The following PDS5B variants were observed in gnomAD, a reference collection of about 807,000 sequenced individuals.
PDS5B encodes sister chromatid cohesion protein PDS5 homolog B.
A neutral mutation model predicts 184.1 loss-of-function variants in PDS5B; 51 were observed. The ratio of observed to expected loss-of-function variants is 0.28; its 90% CI spans 0.22 to 0.35. PDS5B has a LOEUF of 0.35. Among genes scored for constraint, PDS5B ranks in the 10% least tolerant of loss-of-function variants. The probability of loss-of-function intolerance (pLI) is 1.00; values close to 1 mark genes in which losing one functional copy is unlikely to be tolerated. For missense variants in PDS5B, 1,180 were observed against 1,723.3 expected (o/e 0.68, Z 5.58); for synonymous variants, 566 against 569.2 (o/e 0.99, Z 0.08).
intron 21 of PDS5B, among the ~76,000 whole-genome samples, chr13:32,736,377 A>G (rs998802195): frequency 1.3e-5 from 2 of 151,904 alleles, no homozygotes; most frequent in African/African-American, 4.8e-5. Flanking sequence ...TTAATTTTTT[A>G]AAGGATGCTT....
At chr13:32,718,152 TG>T (rs1952542819) in intron 19 of PDS5B, among the ~76,000 whole-genome samples, 2 of 131,724 alleles carry the variant, frequency 1.5e-5, no homozygotes. Context: ...AAAGGGCTTC[TG>T]AATTTTTTTT....
chr13:32,701,644 C>T (rs1335629768), intron 17 of PDS5B, among the ~76,000 whole-genome samples: 1 of 151,780 alleles, frequency 6.6e-6, no homozygotes, highest in Non-Finnish European at 1.5e-5. Context: ...ATACACTCAT[C>T]TGTACCTGTA....
At chr13:32,746,709 T>C (rs1953755252) in intron 24 of PDS5B, among the ~76,000 whole-genome samples, 1 of 152,164 alleles carries the variant, frequency 6.6e-6, no homozygotes, top group Non-Finnish European at 1.5e-5. Flanking sequence ...TGGCACTGAA[T>C]AGACCTCAAA....
At chr13:32,706,437 A>G (rs1952019985) in intron 17 of PDS5B, among the ~76,000 whole-genome samples, 1 of 152,084 alleles carries the variant, frequency 6.6e-6, no homozygotes, top group African/African-American at 2.4e-5. Flanking sequence ...TATGTCTGTT[A>G]CCTAGGATTC....
At chr13:32,732,840 T>G (rs994069209) in intron 20 of PDS5B, among the ~76,000 whole-genome samples, 13 of 152,220 alleles carry the variant, frequency 8.5e-5, no homozygotes, top group Middle Eastern at 6.8e-3. Context: ...AAATCCTACT[T>G]TGTAATTTTA....
chr13:32,731,391 TACTC>T (rs1461720783), intron 19 of PDS5B, among the ~76,000 whole-genome samples: 5 of 152,286 alleles, frequency 3.3e-5, no homozygotes, highest in Non-Finnish European at 7.4e-5. Context: ...CTATATGACT[TACTC>T]AGTACCTCCC....
chr13:32,661,210 C>G (rs1465553718), intron 6 of PDS5B, among the ~76,000 whole-genome samples: 1 of 151,388 alleles, frequency 6.6e-6, no homozygotes, highest in African/African-American at 2.4e-5. Flanking sequence ...ATGGTGAAAC[C>G]CTGTCTTTAC....
intron 1 of PDS5B, among the ~76,000 whole-genome samples, chr13:32,587,116 C>A (rs927544694): frequency 4.7e-5 from 7 of 148,432 alleles, no homozygotes; most frequent in Non-Finnish European, 1.5e-5. Context: ...GGCTTCTCCC[C>A]CTTCCGGGCG....
intron 1 of PDS5B, among the ~76,000 whole-genome samples, chr13:32,594,140 C>G (rs1274291612): frequency 1.3e-5 from 2 of 152,114 alleles, no homozygotes; most frequent in Non-Finnish European, 2.9e-5. Context: ...AAAAATAAAA[C>G]CCCCGAACCT....
At chr13:32,625,939 A>G (rs957011149) in intron 1 of PDS5B, among the ~76,000 whole-genome samples, 18 of 151,772 alleles carry the variant, frequency 1.2e-4, no homozygotes, top group African/African-American at 4.4e-4. Context: ...CCTGGATTCA[A>G]GCGATTCTTG....
chr13:32,708,826 G>A (rs1337634119), intron 18 of PDS5B, among the ~76,000 whole-genome samples: 1 of 150,628 alleles, frequency 6.6e-6, no homozygotes, highest in East Asian at 2.0e-4. Flanking sequence ...TATTTCCTTT[G>A]CTTTTTCCTG....
chr13:32,652,043 A>G, intron 3 of PDS5B, 36 bp downstream of exon 3: 1 of 1,371,668 alleles, frequency 7.3e-7, no homozygotes, highest in Non-Finnish European at 1.0e-6. Flanking sequence ...AGATTGACCG[A>G]TACTTTGATT....
At chr13:32,633,890 A>G (rs1206878753) in intron 1 of PDS5B, among the ~76,000 whole-genome samples, 4 of 152,192 alleles carry the variant, frequency 2.6e-5, no homozygotes, top group Admixed American at 2.0e-4. Flanking sequence ...TTACATATCA[A>G]TATGGGTGGT....
chr13:32,663,282 T>C (rs1264903408), intron 6 of PDS5B, among the ~76,000 whole-genome samples: 3 of 151,322 alleles, frequency 2.0e-5, no homozygotes, highest in Non-Finnish European at 4.4e-5. Context: ...ACTCATTTTA[T>C]GAGCAGAGAA....
intron 3 of PDS5B, 103 bp downstream of exon 3, chr13:32,652,110 G>T: frequency 9.0e-6 from 7 of 781,922 alleles, no homozygotes; most frequent in South Asian, 4.9e-5. Flanking sequence ...TGGATTCTTT[G>T]ACATTAGCTA....
At position 32,678,862 on chromosome 13, in the gene PDS5B, C is replaced by T; in HGVS notation, c.990C>T (p.Arg330=). The change falls in exon 10 of 35, where the codon CGC becomes CGT. Residue 330 remains arginine (R), a synonymous_variant. Transcript: ENST00000315596. ...TTAATGATATCCATGTACCAATCCG[C>T]CTGGAATGTGTGAAATTTGCTAGCC... ...GRFNDIHVPI[R]LECVKFASHC... 6.2e-7 allele frequency: 1 copy of T among 1,607,336 alleles called. No individual in the cohort carries two copies. The highest frequency in any genetic ancestry group is 8.5e-7 in the Non-Finnish European group (1 of 1,174,022).
intron 33 of PDS5B, among the ~76,000 whole-genome samples, chr13:32,772,381 G>A (rs1289192725): frequency 6.6e-6 from 1 of 152,158 alleles, no homozygotes; most frequent in Non-Finnish European, 1.5e-5. Context: ...TGGGCTCGTG[G>A]TTCTTGTTTT....
chr13:32,658,795 T>G (rs143070241), intron 5 of PDS5B, among the ~76,000 whole-genome samples: 150 of 152,326 alleles, frequency 9.8e-4, no homozygotes, highest in African/African-American at 3.5e-3. Context: ...TACTGACTTC[T>G]TAATGCATAT....
At chr13:32,598,857 G>A (rs898518703) in intron 1 of PDS5B, among the ~76,000 whole-genome samples, 2 of 145,294 alleles carry the variant, frequency 1.4e-5, no homozygotes, top group East Asian at 2.0e-4. Context: ...TGCAGGCTCC[G>A]CCTCCTGGGT....
Sources: allele counts gnomAD v4.1 joint callset (sites outside exome capture counted in the v4.1 genomes callset), GRCh38; gene constraint gnomAD v4.1.1; transcripts MANE v1.5; gene names NCBI Gene and HGNC (gene_info 2026-07-23, HGNC 2026-07-21).